DEPDC1: variants seen among roughly 807,000 people sequenced by gnomAD.
DEPDC1 encodes the protein DEP domain containing 1, also known as DEP domain-containing protein 1A.
A neutral mutation model predicts 86.8 loss-of-function variants in DEPDC1; 66 were observed. The observed-to-expected ratio is 0.76, with a 90% CI of 0.62 to 0.93. The LOEUF (loss-of-function observed/expected upper bound fraction) is 0.93, where lower values mean the gene tolerates loss of function less well. Among genes scored for constraint, DEPDC1 ranks in the 40% least tolerant of loss-of-function variants. The probability of loss-of-function intolerance (pLI) is 0.00; values close to 1 mark genes in which losing one functional copy is unlikely to be tolerated. For synonymous variants in DEPDC1, 255 were observed against 314.9 expected (o/e 0.81, Z 2.02); for missense variants, 792 against 935.7 (o/e 0.85, Z 2.00).
chr1:68,492,604 G>A (rs1403264016), intron 2 of DEPDC1, among the ~76,000 whole-genome samples: 2 of 152,140 alleles, frequency 1.3e-5, no homozygotes, highest in African/African-American at 4.8e-5. Context: ...CTACTTTGGA[G>A]GCTGAGGTGG....
chr1:68,486,358 G>A (rs1646192641), intron 6 of DEPDC1, among the ~76,000 whole-genome samples: 1 of 151,928 alleles, frequency 6.6e-6, no homozygotes, highest in Non-Finnish European at 1.5e-5. Flanking sequence ...TCCACCTTCT[G>A]CCATGACTGT....
intron 2 of DEPDC1, among the ~76,000 whole-genome samples, chr1:68,491,714 G>A (rs1008645961): frequency 2.0e-5 from 3 of 151,968 alleles, no homozygotes; most frequent in Non-Finnish European, 4.4e-5. Flanking sequence ...TTTAATAAAT[G>A]TATATAAACA....
Position 68,496,871 on chromosome 1 carries a change from G to GCGAACGGTCGAGGTAAAACTA in DEPDC1, c.48+80_48+81insTAGTTTTACCTCGACCGTTCG. On this transcript the variant is annotated intron_variant, in intron 1 of 11. Coordinates refer to ENST00000456315, the MANE Select transcript of DEPDC1 (RefSeq NM_001114120.3). The surrounding 1 kb of genome is among the most constrained non-coding windows in gnomAD (Gnocchi z 4.0). ...TCATCCCTCCGACCGAGGTAAAACT[G>GCGAACGGTCGAGGTAAAACTA]CGAACGGTCGAGGTAAAACTGCGAA... 6.9e-7 allele frequency: 1 copy of GCGAACGGTCGAGGTAAAACTA among 1,445,150 alleles called. No individual in the cohort carries two copies. Among genetic ancestry groups the GCGAACGGTCGAGGTAAAACTA allele is most frequent in the Non-Finnish European group, 9.6e-7 (1 of 1,038,274 alleles). The allele number at this position is 1,445,150 out of a possible 1,614,324, so 89.5% of individuals were successfully genotyped here.
At chr1:68,478,074 TCAAA>T in intron 10 of DEPDC1, 102 bp from the exon 11 acceptor site, 2 of 814,972 alleles carry the variant, frequency 2.5e-6, no homozygotes, top group Non-Finnish European at 1.8e-6. Flanking sequence ...TTACCACCAA[TCAAA>T]CATTCAGCCA....
At chr1:68,483,006 G>A (rs1646168453) in intron 7 of DEPDC1, 109 bp from the exon 8 acceptor site, 3 of 1,145,800 alleles carry the variant, frequency 2.6e-6, no homozygotes, top group African/African-American at 3.2e-5. Flanking sequence ...AGTATATATT[G>A]TTAGTATAGT....
rs775245569 is a variant in DEPDC1, at chr1:68,478,019, TTA to T, written c.2113-49_2113-48del. On this transcript the variant is annotated intron_variant, in intron 10 of 11. Transcript: ENST00000456315. Reference sequence around the variant, plus strand: ...AACTCTGTTAATTCTGGTCATGTTCTTATATGATAAAGTATTCTTTTGATGGG... The same window carrying T: ...AACTCTGTTAATTCTGGTCATGTTCTTATGATAAAGTATTCTTTTGATGGG... The T allele has an allele frequency of 1.4e-5, 19 of 1,331,578 alleles. No homozygotes were observed. In the East Asian group the frequency reaches 4.7e-4, roughly 33 times the overall value. 82.5% of individuals were successfully genotyped at this position (1,331,578 alleles called of 1,614,324 possible). A position where few individuals can be genotyped will look rare whatever the true frequency, so the allele number is the denominator to read the frequency against.
intron 1 of DEPDC1, among the ~76,000 whole-genome samples, chr1:68,495,175 C>G (rs1341882944): frequency 6.6e-6 from 1 of 151,936 alleles, no homozygotes; most frequent in Non-Finnish European, 1.5e-5. Flanking sequence ...ACACTGCTTT[C>G]TTTTTATTAA....
At chr1:68,478,673 C>G (rs1421940384) in intron 10 of DEPDC1, among the ~76,000 whole-genome samples, 1 of 151,886 alleles carries the variant, frequency 6.6e-6, no homozygotes, top group Admixed American at 6.6e-5. Flanking sequence ...AGTTCCTTCC[C>G]ATTTTACCCC....
Position 68,489,441 on chromosome 1 carries a change from G to T in DEPDC1, c.471+11C>A. On this transcript the variant is annotated intron_variant, in intron 3 of 11. Coordinates refer to ENST00000456315, the MANE Select transcript of DEPDC1 (RefSeq NM_001114120.3). Reference sequence around the variant, plus strand: ...ATATTTAAACTAGTAATTAGTAAAAGGATGTGTTACCTGAGATAAATGTAA... The same window carrying T: ...ATATTTAAACTAGTAATTAGTAAAATGATGTGTTACCTGAGATAAATGTAA... The T allele has an allele frequency of 1.4e-6, 2 of 1,459,820 alleles. No homozygotes were observed. The highest frequency in any genetic ancestry group is 1.5e-5 in the African/African-American group (1 of 67,582). The allele number at this position is 1,459,820 out of a possible 1,614,324, so 90.4% of individuals were successfully genotyped here.
At chr1:68,479,444 A>G in intron 9 of DEPDC1, 124 bp from the exon 10 acceptor site, 1 of 642,730 alleles carries the variant, frequency 1.6e-6, no homozygotes, top group Non-Finnish European at 2.6e-6. Context: ...CCTCAGTTTA[A>G]AAATGAGGAC....
At position 68,482,852 on chromosome 1, in the gene DEPDC1, T is replaced by C. The variant is rs563988599; in HGVS notation, c.956A>G (p.His319Arg). 30 of 1,604,782 alleles carry C rather than the reference T, an allele frequency of 1.9e-5. No homozygotes were observed. In the Middle Eastern group the frequency reaches 6.7e-4, roughly 36 times the overall value. ...AGACTGTGGATCATCTTGAATTTTA[T>C]GTATCCCACTGGATCTATCTGAAAC... ...ITVSDRSSGIHKIQDDPQSSK... is the reference protein window; with the variant it reads ...ITVSDRSSGIRKIQDDPQSSK... The change falls in exon 8 of 12, where the codon CAT becomes CGT. Residue 319 changes from histidine (H) to arginine (R), a missense_variant. Physicochemically the swap from His to Arg is conservative, Grantham distance 29 (BLOSUM62 0). Coordinates refer to ENST00000456315, the MANE Select transcript of DEPDC1 (RefSeq NM_001114120.3).
chr1:68,493,879 A>C (rs1232665612), intron 2 of DEPDC1, among the ~76,000 whole-genome samples: 1 of 151,994 alleles, frequency 6.6e-6, no homozygotes, highest in Non-Finnish European at 1.5e-5. Flanking sequence ...TTGTATTTTT[A>C]GTAGAGACGG....
rs769937008 is a variant in DEPDC1, at chr1:68,477,922, G to A, written c.2163C>T (p.Tyr721=). 6 of 1,576,442 alleles carry A rather than the reference G, an allele frequency of 3.8e-6. No homozygotes were observed. The highest frequency in any genetic ancestry group is 5.2e-6 in the Non-Finnish European group (6 of 1,161,264). The change falls in exon 11 of 12, where the codon TAC becomes TAT. Residue 721 remains tyrosine, a synonymous_variant. Transcript: ENST00000456315. ...GLFAPLPTYS[Y]CKQISAQEFD... The stretch of plus-strand genomic sequence containing the variant: ...ACTCCTGAGCACTAATCTGCTTACA[G>A]TATGAGTAAGTTGGCAAAGGAGCAA...
intron 4 of DEPDC1, 55 bp from the exon 5 acceptor site, chr1:68,488,559 G>T: frequency 1.4e-6 from 2 of 1,397,832 alleles, no homozygotes; most frequent in South Asian, 1.3e-5. Context: ...TTATACATAT[G>T]AATATGACTA....
chr1:68,478,071 C>A (rs1646129740), intron 10 of DEPDC1, 99 bp from the exon 11 acceptor site: 1 of 831,980 alleles, frequency 1.2e-6, no homozygotes, highest in Non-Finnish European at 1.7e-6. Context: ...AATTTACCAC[C>A]AATCAAACAT....
rs1174572265 is a variant in DEPDC1 at position 68,496,695 on chromosome 1, C to CA, written c.48+256dup. 1.2e-5 allele frequency: 5 copies of CA among 424,524 alleles called. No individual in the cohort carries two copies. Among genetic ancestry groups the CA allele is most frequent in the Non-Finnish European group, 2.1e-5 (5 of 236,932 alleles). The allele number at this position is 424,524 out of a possible 1,614,324, so 26.3% of individuals were successfully genotyped here. A position where few individuals can be genotyped will look rare whatever the true frequency, so the allele number is the denominator to read the frequency against. On this transcript the variant is annotated intron_variant, in intron 1 of 11. Transcript: ENST00000456315. The surrounding 1 kb of genome is among the most constrained non-coding windows in gnomAD (Gnocchi z 4.0). The stretch of plus-strand genomic sequence containing the variant: ...CACACCAGGCACAGGAGTCGCTCCT[C>CA]ATAGCGAGTCTGGTGCGGCCTACGC...
intron 5 of DEPDC1, among the ~76,000 whole-genome samples, chr1:68,487,343 T>A (rs1646199828): frequency 6.6e-6 from 1 of 152,048 alleles, no homozygotes; most frequent in Non-Finnish European, 1.5e-5. Context: ...TTGTTTCTAT[T>A]CTGCCTATTG....
At chr1:68,489,097 C>A in intron 3 of DEPDC1, 63 bp from the exon 4 acceptor site, 1 of 1,004,094 alleles carries the variant, frequency 1.0e-6, no homozygotes. Flanking sequence ...TTGAAAGCAA[C>A]AATAATTCTA....
At chr1:68,478,483 GCTT>G (rs1557615892) in intron 10 of DEPDC1, among the ~76,000 whole-genome samples, 1 of 150,524 alleles carries the variant, frequency 6.6e-6, no homozygotes, top group Non-Finnish European at 1.5e-5. Flanking sequence ...CATAGGCAGA[GCTT>G]CTAACATCTT....
Sources: allele counts gnomAD v4.1 joint callset (sites outside exome capture counted in the v4.1 genomes callset), GRCh38; gene constraint gnomAD v4.1.1; non-coding constraint Gnocchi (gnomAD v3.1); transcripts MANE v1.5; gene names NCBI Gene and HGNC (gene_info 2026-07-23, HGNC 2026-07-21).